Variants in ITGA8 observed in about 807,000 individuals in gnomAD.
ITGA8 encodes integrin alpha-8.
A neutral mutation model predicts 142.3 loss-of-function variants in ITGA8; 91 were observed. That is an observed-to-expected ratio of 0.64 (90% CI 0.54 to 0.76). The LOEUF is 0.76. ITGA8 is among the 30% of genes least tolerant of loss of function. The pLI is 0.00. For missense variants in ITGA8, 1,406 were observed against 1,327.7 expected (o/e 1.06, Z -0.92); for synonymous variants, 505 against 485.2 (o/e 1.04, Z -0.54).
chr10:15,549,111 A>G (rs373943790), intron 26 of ITGA8, among the ~76,000 whole-genome samples: 1 of 152,090 alleles, frequency 6.6e-6, no homozygotes, highest in East Asian at 1.9e-4. Context: ...ATAACCTTTA[A>G]TATATGAAAT....
rs200922550 is a variant in ITGA8, at chr10:15,662,326, C to CTTTTTTTTTTTTT, written c.848-1417_848-1405dup. ...CTCAAGGTGAAATCTTCAGAAGGTC[C>CTTTTTTTTTTTTT]TTTTTTTTTTTTTTTTTTTTTTTTT... On this transcript the variant is annotated intron_variant, in intron 8 of 29. Coordinates refer to ENST00000378076, the MANE Select transcript of ITGA8 (RefSeq NM_003638.3). Among the ~76,000 whole-genome samples the CTTTTTTTTTTTTT allele has an allele frequency of 2.8e-5, 2 of 72,716 alleles. 1 individual carries two copies. Among genetic ancestry groups the CTTTTTTTTTTTTT allele is most frequent in the African/African-American group, 1.3e-4 (2 of 15,034 alleles). 47.7% of individuals were successfully genotyped at this position (72,716 alleles called of 152,430 possible). A position where few individuals can be genotyped will look rare whatever the true frequency, so the allele number is the denominator to read the frequency against.
chr10:15,599,793 C>T lies in ITGA8; in HGVS notation c.2119-2494G>A, dbSNP rs567492845. Among the ~76,000 whole-genome samples, 110 of 152,168 alleles carry T rather than the reference C, an allele frequency of 7.2e-4. No individual in the cohort carries two copies. The Middle Eastern group carries it at 0.014, about 19-fold the overall frequency. ...AAAATTAGCTGAGCATGGTGGCTGG[C>T]GCCTGTAATCCCAGCTACTAGGGAG... On this transcript the variant is annotated intron_variant, in intron 20 of 29. Coordinates refer to ENST00000378076, the MANE Select transcript of ITGA8 (RefSeq NM_003638.3).
intron 2 of ITGA8, among the ~76,000 whole-genome samples, chr10:15,690,647 A>G (rs1834917291): frequency 6.6e-6 from 1 of 152,202 alleles, no homozygotes; most frequent in Non-Finnish European, 1.5e-5. Context: ...ACAAAGAGGG[A>G]TCTCCTTGGC....
chr10:15,647,943 A>C (rs1255809610), intron 11 of ITGA8, among the ~76,000 whole-genome samples: 5 of 152,188 alleles, frequency 3.3e-5, no homozygotes, highest in Non-Finnish European at 7.3e-5. Flanking sequence ...TTATAGCAAA[A>C]AACTAATATG....
chr10:15,634,024 T>G (rs1273702900), intron 13 of ITGA8, among the ~76,000 whole-genome samples: 1 of 152,200 alleles, frequency 6.6e-6, no homozygotes, highest in Non-Finnish European at 1.5e-5. Flanking sequence ...ACATGTAATC[T>G]CAGGGTCTTT....
At position 15,536,611 on chromosome 10, in the gene ITGA8, T is replaced by C. The variant is rs1345292972; in HGVS notation, c.2881-5460A>G. 3.3e-5 allele frequency among the ~76,000 whole-genome samples: 5 copies of C among 152,254 alleles called. No homozygotes were observed. In the East Asian group the frequency reaches 9.6e-4, roughly 29 times the overall value. On this transcript the variant is annotated intron_variant, in intron 27 of 29. Coordinates refer to ENST00000378076, the MANE Select transcript of ITGA8 (RefSeq NM_003638.3). ...TGTAATAGCAATCACTGCCACATTGTAGGCAATTTAGGATTGAAAACCCAG... is the reference window on the plus strand; with the variant it reads ...TGTAATAGCAATCACTGCCACATTGCAGGCAATTTAGGATTGAAAACCCAG...
chr10:15,621,021 T>C (rs930286912), intron 13 of ITGA8, among the ~76,000 whole-genome samples: 24 of 152,246 alleles, frequency 1.6e-4, no homozygotes, highest in African/African-American at 5.8e-4. Flanking sequence ...TTTATAACAC[T>C]TGGAACATTT....
intron 25 of ITGA8, among the ~76,000 whole-genome samples, chr10:15,569,621 G>T (rs1320102365): frequency 6.6e-6 from 1 of 152,086 alleles, no homozygotes; most frequent in African/African-American, 2.4e-5. Context: ...GTCTTGCTAT[G>T]TTGCCCAGGC....
chr10:15,556,744 A>G (rs1434883678), intron 26 of ITGA8, among the ~76,000 whole-genome samples: 1 of 152,216 alleles, frequency 6.6e-6, no homozygotes, highest in Non-Finnish European at 1.5e-5. Flanking sequence ...TTTTAAATGT[A>G]CAATAAATTG....
At chr10:15,564,504 G>A (rs1379831640) in intron 25 of ITGA8, among the ~76,000 whole-genome samples, 1 of 152,216 alleles carries the variant, frequency 6.6e-6, no homozygotes, top group Non-Finnish European at 1.5e-5. Flanking sequence ...AAATGAAAAT[G>A]ACTTCTTTCT....
At chr10:15,719,127 T>C (rs1482599962) in intron 1 of ITGA8, among the ~76,000 whole-genome samples, 2 of 151,936 alleles carry the variant, frequency 1.3e-5, no homozygotes, top group Non-Finnish European at 2.9e-5. Context: ...GCTCTGTGGG[T>C]ACAGTGAGAT....
intron 14 of ITGA8, among the ~76,000 whole-genome samples, chr10:15,615,143 C>G (rs564413258): frequency 1.3e-5 from 2 of 152,202 alleles, no homozygotes; most frequent in Admixed American, 6.5e-5. Flanking sequence ...AAAACAAGGC[C>G]TTGGCATGAA....
chr10:15,555,206 A>G (rs1403351768), intron 26 of ITGA8, among the ~76,000 whole-genome samples: 1 of 152,216 alleles, frequency 6.6e-6, no homozygotes, highest in Non-Finnish European at 1.5e-5. Context: ...TACCAACACT[A>G]TCTTTTAAAC....
chr10:15,597,223 A>T lies in ITGA8; in HGVS notation c.2195T>A (p.Met732Lys). ...CTCTCTTACATTTGTTCCAGACACC[A>T]TAGGGTTCCCAAGGTCACACACCAC... ...RMVVCDLGNP[M>K]VSGTNYSLGL... Residue 732 changes from methionine (M) to lysine (K), a missense_variant, in exon 21 of 30, where the codon ATG becomes AAG. Coordinates refer to ENST00000378076, the MANE Select transcript of ITGA8 (RefSeq NM_003638.3). 1.2e-6 allele frequency: 2 copies of T among 1,613,630 alleles called. No homozygotes were observed. The highest frequency in any genetic ancestry group is 1.7e-6 in the Non-Finnish European group (2 of 1,179,534).
In ITGA8 at chr10:15,517,017, TGAGGTG is replaced by T; in HGVS notation, c.*135_*140del. The T allele has an allele frequency of 3.6e-6, 2 of 560,648 alleles. No individual in the cohort carries two copies. The highest frequency in any genetic ancestry group is 6.1e-6 in the Non-Finnish European group (2 of 325,786). 34.7% of individuals were successfully genotyped at this position (560,648 alleles called of 1,614,324 possible). Reference sequence around the variant, plus strand: ...CAATTTCTCCAAAGTGCGGTGTAGATGAGGTGATGTTTCCAGGGTCCCCTCCATTTC... The same window carrying T: ...CAATTTCTCCAAAGTGCGGTGTAGATATGTTTCCAGGGTCCCCTCCATTTC... On this transcript the variant is annotated 3_prime_UTR_variant, in exon 30 of 30. Transcript: ENST00000378076.
chr10:15,652,236 A>G (rs966727680), intron 11 of ITGA8, among the ~76,000 whole-genome samples: 1 of 152,208 alleles, frequency 6.6e-6, no homozygotes, highest in African/African-American at 2.4e-5. Flanking sequence ...ACTTTGCTAT[A>G]GACTAGAATG....
rs1008273933 is a variant in ITGA8, at chr10:15,515,099, G to A, written c.*2059C>T. The stretch of plus-strand genomic sequence containing the variant: ...ATCTCTATTGGTCACAGATCAGCCA[G>A]GATCACCAGATTCAGGGCATTACCT... On this transcript the variant is annotated 3_prime_UTR_variant, in exon 30 of 30. Coordinates refer to ENST00000378076, the MANE Select transcript of ITGA8 (RefSeq NM_003638.3). 1 of 152,190 alleles carries A rather than the reference G, an allele frequency of 6.6e-6. No individual in the cohort carries two copies. The highest frequency in any genetic ancestry group is 2.4e-5 in the African/African-American group (1 of 41,412). The allele number at this position is 152,190 out of a possible 1,614,324, so 9.4% of individuals were successfully genotyped here. A position where few individuals can be genotyped will look rare whatever the true frequency, so the allele number is the denominator to read the frequency against.
chr10:15,669,856 C>T (rs2131683107), intron 8 of ITGA8, among the ~76,000 whole-genome samples: 1 of 152,302 alleles, frequency 6.6e-6, no homozygotes, highest in Non-Finnish European at 1.5e-5. Context: ...ATGCTGCTGC[C>T]TGATCGTTCC....
intron 27 of ITGA8, among the ~76,000 whole-genome samples, chr10:15,540,524 C>T (rs1231629824): frequency 6.6e-6 from 1 of 152,174 alleles, no homozygotes; most frequent in Non-Finnish European, 1.5e-5. Context: ...ATGAGATGCT[C>T]GCCTCTGCCC....
Sources: gnomAD v4.1 joint callset for allele counts (sites outside exome capture counted in the v4.1 genomes callset) on GRCh38, gnomAD v4.1.1 for gene constraint, MANE v1.5 for transcripts, NCBI Gene and HGNC (gene_info 2026-07-23, HGNC 2026-07-21) for gene names.